SYK: variants seen among roughly 807,000 people sequenced by gnomAD.
The protein encoded by SYK is tyrosine-protein kinase SYK.
A neutral mutation model predicts 77.8 loss-of-function variants in SYK; 16 were observed. That is an observed-to-expected ratio of 0.21 (90% confidence interval 0.14 to 0.31). The LOEUF (loss-of-function observed/expected upper bound fraction) is 0.31. Among genes scored for constraint, SYK ranks in the 10% least tolerant of loss-of-function variants. The pLI is 1.00. For synonymous variants in SYK, 312 were observed against 308.7 expected (o/e 1.01, Z -0.11); for missense variants, 529 against 814.4 (o/e 0.65, Z 4.26).
intron 3 of SYK, among the ~76,000 whole-genome samples, chr9:90,861,691 C>G (rs777491376): frequency 6.6e-6 from 1 of 152,154 alleles, no homozygotes; most frequent in Non-Finnish European, 1.5e-5. Context: ...CCCTCCATCT[C>G]TGGTCCAGAA....
At chr9:90,857,677 A>G (rs1031613606) in intron 3 of SYK, among the ~76,000 whole-genome samples, 6 of 152,168 alleles carry the variant, frequency 3.9e-5, no homozygotes, top group African/African-American at 1.4e-4. Context: ...TTGCTGACAT[A>G]CACACTGTTC....
intron 11 of SYK, among the ~76,000 whole-genome samples, chr9:90,885,472 A>T (rs1156432636): frequency 6.6e-6 from 1 of 152,212 alleles, no homozygotes; most frequent in Non-Finnish European, 1.5e-5. Context: ...GAAACAACCT[A>T]TTCAGACAAA....
At chr9:90,861,327 G>C (rs1827252410) in intron 3 of SYK, among the ~76,000 whole-genome samples, 1 of 152,158 alleles carries the variant, frequency 6.6e-6, no homozygotes, top group African/African-American at 2.4e-5. Flanking sequence ...GGGTTGTTCT[G>C]AGGGTCGCCC....
chr9:90,818,124 G>A (rs746789221), intron 1 of SYK, among the ~76,000 whole-genome samples: 7 of 152,084 alleles, frequency 4.6e-5, no homozygotes, highest in Non-Finnish European at 5.9e-5. Context: ...ATTGGGCTCC[G>A]CTTGTGGCAT....
At chr9:90,826,889 G>A (rs1402119740) in intron 1 of SYK, among the ~76,000 whole-genome samples, 1 of 152,040 alleles carries the variant, frequency 6.6e-6, no homozygotes, top group Non-Finnish European at 1.5e-5. Flanking sequence ...CTGGGAACAG[G>A]GACAGAGAGA....
chr9:90,875,287 C>T (rs1183065628), intron 9 of SYK, among the ~76,000 whole-genome samples: 2 of 151,810 alleles, frequency 1.3e-5, no homozygotes, highest in African/African-American at 4.8e-5. Context: ...ATTAGCCAGA[C>T]ATAGTAGTGC....
chr9:90,858,992 G>C (rs139587835), intron 3 of SYK, among the ~76,000 whole-genome samples: 3 of 152,328 alleles, frequency 2.0e-5, no homozygotes, highest in South Asian at 2.1e-4. Flanking sequence ...GAAACTGCTT[G>C]TTCCAAAGCA....
intron 1 of SYK, among the ~76,000 whole-genome samples, chr9:90,805,652 T>G (rs1380234046): frequency 2.6e-5 from 4 of 152,268 alleles, no homozygotes; most frequent in Admixed American, 1.3e-4. Flanking sequence ...TGGTTTGTCT[T>G]AACTGATAAA....
intron 6 of SYK, among the ~76,000 whole-genome samples, chr9:90,865,601 ACT>A (rs1827454942): frequency 6.6e-6 from 1 of 151,548 alleles, no homozygotes; most frequent in South Asian, 2.1e-4. Context: ...GAGCCACCAC[ACT>A]CTGCCTAGCC....
chr9:90,849,627 AT>A (rs1464567009), intron 3 of SYK, among the ~76,000 whole-genome samples: 3 of 152,214 alleles, frequency 2.0e-5, no homozygotes, highest in Non-Finnish European at 4.4e-5. Flanking sequence ...ATATAGAAAT[AT>A]AAAAACATGA....
chr9:90,877,849 C>A, intron 10 of SYK, 69 bp downstream of exon 10: 1 of 1,551,386 alleles, frequency 6.4e-7, no homozygotes, highest in Non-Finnish European at 8.8e-7. Context: ...CTGGATGGGC[C>A]GAGCAGCCTG....
Position 90,844,212 on chromosome 9 carries a change from A to G in SYK, c.314A>G (p.Lys105Arg). 1 of 1,614,210 alleles carries G rather than the reference A, an allele frequency of 6.2e-7. No homozygotes were observed. Among genetic ancestry groups the G allele is most frequent in the South Asian group, 1.1e-5 (1 of 91,090 alleles). ...ESDGLVCLLK[K>R]PFNRPQGVQP... ...GATGGCCTGGTCTGCCTCCTCAAGAAGCCCTTCAACCGGCCCCAAGGGGTG... is the reference window on the plus strand; with the variant it reads ...GATGGCCTGGTCTGCCTCCTCAAGAGGCCCTTCAACCGGCCCCAAGGGGTG... Residue 105 changes from lysine (K) to arginine (R), a missense_variant, in exon 2 of 14, where the codon AAG (lysine) becomes AGG (arginine). Physicochemically the swap from Lys to Arg is conservative, Grantham distance 26 (BLOSUM62 2). Coordinates refer to ENST00000375754, the MANE Select transcript of SYK (RefSeq NM_003177.7).
At position 90,838,708 on chromosome 9, in the gene SYK, A is replaced by G. The variant is rs73650261; in HGVS notation, c.-41-5150A>G. 3.6e-3 allele frequency among the ~76,000 whole-genome samples: 542 copies of G among 152,336 alleles called. 2 individuals are homozygous for G. The highest frequency in any genetic ancestry group is 0.013 in the African/African-American group (529 of 41,578). On this transcript the variant is annotated intron_variant, in intron 1 of 13. Coordinates refer to ENST00000375754, the MANE Select transcript of SYK (RefSeq NM_003177.7). Reference sequence around the variant, plus strand: ...GCTTTGGAATGAAGTAGTGTCACACATGGAAAAAAATAACTGGGAATGTTG... The same window carrying G: ...GCTTTGGAATGAAGTAGTGTCACACGTGGAAAAAAATAACTGGGAATGTTG...
At position 90,884,328 on chromosome 9, in the gene SYK, C is replaced by G. The variant is rs199616960; in HGVS notation, c.1582-3421C>G. 2.0e-3 allele frequency among the ~76,000 whole-genome samples: 280 copies of G among 139,836 alleles called. 8 individuals carry two copies. The highest frequency in any genetic ancestry group is 7.2e-3 in the South Asian group (31 of 4,302). The allele number at this position is 139,836 out of a possible 152,430, so 91.7% of individuals were successfully genotyped here. ...ATACACACATATACACATACACATA[C>G]GTGTATATATACACACATACACATA... On this transcript the variant is annotated intron_variant, in intron 11 of 13. Transcript: ENST00000375754.
chr9:90,878,023 G>A (rs1828011722), intron 10 of SYK, among the ~76,000 whole-genome samples: 1 of 152,114 alleles, frequency 6.6e-6, no homozygotes, highest in Non-Finnish European at 1.5e-5. Context: ...TTTTCTTCCT[G>A]TAGTCATTCA....
intron 3 of SYK, 21 bp from the exon 4 acceptor site, chr9:90,862,185 C>A: frequency 6.3e-7 from 1 of 1,589,496 alleles, no homozygotes; most frequent in Non-Finnish European, 8.6e-7. Context: ...GGGGATGATG[C>A]AGTTCCATCC....
intron 1 of SYK, among the ~76,000 whole-genome samples, chr9:90,817,404 C>T (rs1382218219): frequency 6.6e-6 from 1 of 152,036 alleles, no homozygotes; most frequent in Non-Finnish European, 1.5e-5. Flanking sequence ...TTGTTAATTC[C>T]TATTTCATTT....
intron 3 of SYK, among the ~76,000 whole-genome samples, chr9:90,852,644 G>A (rs983673671): frequency 2.0e-5 from 3 of 152,270 alleles, no homozygotes; most frequent in East Asian, 3.9e-4. Flanking sequence ...CAAATAGCTC[G>A]ATTAATGTTA....
intron 1 of SYK, among the ~76,000 whole-genome samples, chr9:90,827,015 A>G (rs777628915): frequency 1.3e-5 from 2 of 151,982 alleles, no homozygotes; most frequent in Non-Finnish European, 2.9e-5. Context: ...CTCCATTAAG[A>G]TCTTTTCAAG....
Sources: allele counts gnomAD v4.1 joint callset (sites outside exome capture counted in the v4.1 genomes callset), GRCh38; gene constraint gnomAD v4.1.1; transcripts MANE v1.5; gene names NCBI Gene and HGNC (gene_info 2026-07-23, HGNC 2026-07-21).